CHN2: variants seen among roughly 807,000 people sequenced by gnomAD.
The protein encoded by CHN2 is chimerin 2.
In CHN2, 35 loss-of-function variants were observed where a neutral mutation model predicts 56.3. The observed-to-expected ratio is 0.62, with a 90% CI of 0.47 to 0.82. The LOEUF is 0.82. Among genes scored for constraint, CHN2 ranks in the 40% least tolerant of loss-of-function variants. The probability of loss-of-function intolerance (pLI) is 0.00; values close to 1 mark genes in which losing one functional copy is unlikely to be tolerated. For synonymous variants in CHN2, 210 were observed against 212.8 expected, an observed-to-expected ratio of 0.99 and a Z score of 0.12; for missense variants, 491 against 580.5, an observed-to-expected ratio of 0.85 and a Z score of 1.58.
At position 29,171,255 on chromosome 7, in the gene CHN2, G is replaced by A. The variant is rs147867691; in HGVS notation, c.274+24295G>A. On this transcript the variant is annotated intron_variant, in intron 2 of 6. Transcript: ENST00000439384. ...ATACGCGTCCTACTGTATTCTTTCTGCCACATTCCCAGAAACCCCAAAGCT... is the reference window on the plus strand; with the variant it reads ...ATACGCGTCCTACTGTATTCTTTCTACCACATTCCCAGAAACCCCAAAGCT... Among the ~76,000 whole-genome samples, 197 of 152,188 alleles carry A rather than the reference G, an allele frequency of 1.3e-3. 1 individual carries two copies. The highest frequency in any genetic ancestry group is 5.1e-4 in the Non-Finnish European group (35 of 68,018).
At chr7:29,320,040 C>A (rs1276205206) in intron 1 of CHN2, among the ~76,000 whole-genome samples, 1 of 152,214 alleles carries the variant, frequency 6.6e-6, no homozygotes, top group Non-Finnish European at 1.5e-5. Context: ...GAACTCTGCT[C>A]AGCACTTACA....
At chr7:29,438,083 G>A (rs912041960) in intron 6 of CHN2, among the ~76,000 whole-genome samples, 6 of 152,202 alleles carry the variant, frequency 3.9e-5, no homozygotes, top group African/African-American at 1.2e-4. Flanking sequence ...GGGGATAATG[G>A]TGATGTCTGT....
intron 1 of CHN2, among the ~76,000 whole-genome samples, chr7:29,265,375 C>T (rs903224424): frequency 3.3e-5 from 5 of 152,192 alleles, no homozygotes; most frequent in South Asian, 2.1e-4. Flanking sequence ...ACTCGCTCTG[C>T]TAGACTTAGA....
intron 6 of CHN2, among the ~76,000 whole-genome samples, chr7:29,440,066 G>A (rs903121794): frequency 6.6e-6 from 1 of 152,190 alleles, no homozygotes; most frequent in South Asian, 2.1e-4. Context: ...TAAAGAAAGC[G>A]AGACTCCTAG....
intron 1 of CHN2, among the ~76,000 whole-genome samples, chr7:29,257,304 C>G (rs1229756670): frequency 6.6e-6 from 1 of 152,080 alleles, no homozygotes; most frequent in Non-Finnish European, 1.5e-5. Flanking sequence ...GTCTTTCAAT[C>G]GCCACTTCAG....
At chr7:29,364,437 T>A (rs73684873) in intron 2 of CHN2, among the ~76,000 whole-genome samples, 1,716 of 152,354 alleles carry the variant, frequency 0.011, 34 homozygotes, top group African/African-American at 0.04. Flanking sequence ...ACTGTTGGCT[T>A]CAAGAGGCAT....
rs1584546253 is a variant in CHN2, at chr7:29,172,781, T to C, written c.274+25821T>C. 2.0e-5 allele frequency among the ~76,000 whole-genome samples: 3 copies of C among 152,294 alleles called. No individual in the cohort carries two copies. In the East Asian group the frequency reaches 5.8e-4, roughly 29 times the overall value. On this transcript the variant is annotated intron_variant, in intron 2 of 6. Transcript: ENST00000439384. The stretch of plus-strand genomic sequence containing the variant: ...AACATTTTAATATTATAAAACTTTT[T>C]TTTTCAACTTCTGTTTCCAGCTGTA...
intron 6 of CHN2, among the ~76,000 whole-genome samples, chr7:29,438,044 A>G (rs1329991359): frequency 6.6e-6 from 1 of 152,186 alleles, no homozygotes; most frequent in African/African-American, 2.4e-5. Context: ...AAAATCTGCA[A>G]CACATGTAGA....
chr7:29,472,667 G>GA (rs1030064076), intron 6 of CHN2, among the ~76,000 whole-genome samples: 7 of 151,664 alleles, frequency 4.6e-5, no homozygotes, highest in African/African-American at 1.7e-4. Flanking sequence ...GAGAGCTGCT[G>GA]AAAAATGGGC....
chr7:29,394,457 A>G (rs1585248932), intron 4 of CHN2, among the ~76,000 whole-genome samples: 1 of 152,210 alleles, frequency 6.6e-6, no homozygotes, highest in African/African-American at 2.4e-5. Context: ...CCAAGCTCTC[A>G]CAGCCAATCT....
rs188803249 is a variant in CHN2, at chr7:29,221,563, C to T, written c.49+26573C>T. 1.5e-3 allele frequency among the ~76,000 whole-genome samples: 234 copies of T among 152,262 alleles called. 1 individual carries two copies. The highest frequency in any genetic ancestry group is 5.3e-3 in the African/African-American group (219 of 41,556). ...GTGGTTTGCTACACAGATCAACCCA[C>T]CACCTAGGTATTAAGCCCAGTATTC... On this transcript the variant is annotated intron_variant, in intron 1 of 12. Transcript: ENST00000222792.
intron 1 of CHN2, among the ~76,000 whole-genome samples, chr7:29,321,570 C>CTTTT (rs59651474): frequency 1.6e-5 from 2 of 128,188 alleles, no homozygotes; most frequent in African/African-American, 2.9e-5. Context: ...TTCTTTCTTT[C>CTTTT]TTTTTTTTTT....
intron 6 of CHN2, among the ~76,000 whole-genome samples, chr7:29,473,614 G>A (rs1157895953): frequency 1.3e-5 from 2 of 151,710 alleles, no homozygotes; most frequent in African/African-American, 2.4e-5. Context: ...CCTGTGTACC[G>A]ATCAGAAATG....
chr7:29,341,374 T>C lies in CHN2; in HGVS notation c.50-13251T>C, dbSNP rs374180473. 2.4e-3 allele frequency among the ~76,000 whole-genome samples: 371 copies of C among 152,262 alleles called. 4 individuals carry two copies. Among genetic ancestry groups the C allele is most frequent in the African/African-American group, 8.8e-3 (365 of 41,546 alleles). On this transcript the variant is annotated intron_variant, in intron 1 of 12. Transcript: ENST00000222792. Reference sequence around the variant, plus strand: ...TTCTTGATATGAATTACTACAATTATATTAACCGCACCAATTGTTATGGAT... The same window carrying C: ...TTCTTGATATGAATTACTACAATTACATTAACCGCACCAATTGTTATGGAT...
At chr7:29,327,655 G>T in intron 1 of CHN2, among the ~76,000 whole-genome samples, 1 of 152,122 alleles carries the variant, frequency 6.6e-6, no homozygotes, top group East Asian at 1.9e-4. Context: ...TTAATGACGC[G>T]GTGCTCCCAT....
chr7:29,373,846 AT>A (rs1280210096), intron 3 of CHN2, among the ~76,000 whole-genome samples: 1 of 152,198 alleles, frequency 6.6e-6, no homozygotes, highest in Non-Finnish European at 1.5e-5. Context: ...TGAATCACAG[AT>A]TTTAAATGAA....
chr7:29,237,500 A>AT (rs59741380), intron 1 of CHN2, among the ~76,000 whole-genome samples: 53,958 of 151,808 alleles, frequency 0.36, 10,254 homozygotes, highest in Admixed American at 0.45. Context: ...ACAAAACTTG[A>AT]TTTTTTTTTC....
intron 6 of CHN2, among the ~76,000 whole-genome samples, chr7:29,479,306 A>G (rs1786879289): frequency 6.6e-6 from 1 of 152,152 alleles, no homozygotes; most frequent in African/African-American, 2.4e-5. Flanking sequence ...TGATGTTTTG[A>G]TTTTAGGTAA....
chr7:29,276,169 G>GACTA (rs1554388360), intron 1 of CHN2, among the ~76,000 whole-genome samples: 1 of 151,872 alleles, frequency 6.6e-6, no homozygotes, highest in Admixed American at 6.6e-5. Context: ...TCAGATGCAA[G>GACTA]AGCTTTCCAA....
Sources: allele counts gnomAD v4.1 joint callset (sites outside exome capture counted in the v4.1 genomes callset), GRCh38; gene constraint gnomAD v4.1.1; transcripts MANE v1.5; gene names NCBI Gene and HGNC (gene_info 2026-07-23, HGNC 2026-07-21).